CTNNA3: variants seen among roughly 807,000 people sequenced by gnomAD.
The protein encoded by CTNNA3 is catenin alpha-3.
A neutral mutation model predicts 95.7 loss-of-function variants in CTNNA3; 76 were observed. The ratio of observed to expected loss-of-function variants is 0.79; its 90% CI spans 0.66 to 0.96. The LOEUF (loss-of-function observed/expected upper bound fraction) is 0.96. Among genes scored for constraint, CTNNA3 ranks in the 40% least tolerant of loss-of-function variants. The probability of loss-of-function intolerance (pLI) is 0.00; values close to 1 mark genes in which losing one functional copy is unlikely to be tolerated. For missense variants in CTNNA3, 1,191 were observed against 1,089.8 expected (o/e 1.09, Z -1.31); for synonymous variants, 431 against 374.4 (o/e 1.15, Z -1.74).
At chr10:66,929,938 C>A (rs543433588) in intron 7 of CTNNA3, among the ~76,000 whole-genome samples, 4 of 152,216 alleles carry the variant, frequency 2.6e-5, no homozygotes, top group Non-Finnish European at 5.9e-5. Flanking sequence ...GGAACTGCAA[C>A]ATTGAGGCTG....
chr10:66,805,967 A>G (rs1007273264), intron 7 of CTNNA3, among the ~76,000 whole-genome samples: 1 of 152,054 alleles, frequency 6.6e-6, no homozygotes, highest in Non-Finnish European at 1.5e-5. Context: ...TCATTTTCTA[A>G]TTTGAATGGA....
chr10:67,316,015 G>T (rs1422026441), intron 5 of CTNNA3, among the ~76,000 whole-genome samples: 1 of 152,072 alleles, frequency 6.6e-6, no homozygotes, highest in East Asian at 1.9e-4. Context: ...CAAACTCTTA[G>T]ACTGAGTTTA....
At chr10:66,126,982 A>G (rs900577812) in intron 13 of CTNNA3, among the ~76,000 whole-genome samples, 1 of 151,860 alleles carries the variant, frequency 6.6e-6, no homozygotes, top group Non-Finnish European at 1.5e-5. Context: ...GAAAAGGGGG[A>G]AAATGGCCGG....
At chr10:66,923,445 A>T (rs548952981) in intron 7 of CTNNA3, among the ~76,000 whole-genome samples, 1 of 152,228 alleles carries the variant, frequency 6.6e-6, no homozygotes, top group Admixed American at 6.5e-5. Flanking sequence ...TGAGGGGAAA[A>T]CTCAGAGCCT....
chr10:67,391,068 G>A (rs1171314067), intron 5 of CTNNA3, among the ~76,000 whole-genome samples: 1 of 150,508 alleles, frequency 6.6e-6, no homozygotes, highest in Admixed American at 6.6e-5. Flanking sequence ...CAATTAGGCA[G>A]GAGAAGGAAA....
chr10:67,087,906 T>A (rs1426718194), intron 7 of CTNNA3, among the ~76,000 whole-genome samples: 1 of 152,086 alleles, frequency 6.6e-6, no homozygotes, highest in South Asian at 2.1e-4. Flanking sequence ...TAAGGAATCA[T>A]GTGAGACAAT....
At chr10:66,691,957 T>C (rs979130570) in intron 9 of CTNNA3, among the ~76,000 whole-genome samples, 2 of 152,034 alleles carry the variant, frequency 1.3e-5, no homozygotes, top group South Asian at 4.1e-4. Flanking sequence ...CAAAAACCCA[T>C]CTGTACATCG....
intron 7 of CTNNA3, among the ~76,000 whole-genome samples, chr10:66,847,061 CA>C (rs747736665): frequency 2.0e-5 from 3 of 152,188 alleles, no homozygotes; most frequent in Admixed American, 1.3e-4. Flanking sequence ...CCTACATCCA[CA>C]AGGGAGCCAG....
intron 5 of CTNNA3, among the ~76,000 whole-genome samples, chr10:67,436,002 G>C (rs1589287656): frequency 6.6e-6 from 1 of 152,094 alleles, no homozygotes; most frequent in South Asian, 2.1e-4. Flanking sequence ...CCAAAAAAGA[G>C]CCTGCATAGC....
At chr10:66,759,238 A>G (rs1406926873) in intron 9 of CTNNA3, among the ~76,000 whole-genome samples, 4 of 152,090 alleles carry the variant, frequency 2.6e-5, no homozygotes, top group Non-Finnish European at 5.9e-5. Context: ...TTCCTGAACG[A>G]TGATGTCCAC....
intron 11 of CTNNA3, among the ~76,000 whole-genome samples, chr10:66,383,291 T>C (rs916777131): frequency 3.3e-5 from 5 of 152,154 alleles, no homozygotes; most frequent in African/African-American, 9.7e-5. Flanking sequence ...AAGAACTTCA[T>C]GACACATGCA....
chr10:66,180,166 T>C (rs2085965301), intron 13 of CTNNA3, among the ~76,000 whole-genome samples: 1 of 152,150 alleles, frequency 6.6e-6, no homozygotes, highest in Non-Finnish European at 1.5e-5. Context: ...CACAGATACA[T>C]AAACACACTT....
intron 9 of CTNNA3, among the ~76,000 whole-genome samples, chr10:66,649,598 C>G (rs986151317): frequency 6.6e-6 from 1 of 152,150 alleles, no homozygotes; most frequent in Non-Finnish European, 1.5e-5. Context: ...CACCTATGGC[C>G]CCAGACTCCA....
intron 5 of CTNNA3, among the ~76,000 whole-genome samples, chr10:67,236,656 TATA>T (rs1387252807): frequency 6.6e-6 from 1 of 150,522 alleles, no homozygotes; most frequent in African/African-American, 2.4e-5. Context: ...AACCTTAAAG[TATA>T]ATAATAATAA....
chr10:66,901,146 C>A (rs1017993885), intron 7 of CTNNA3, among the ~76,000 whole-genome samples: 1 of 152,134 alleles, frequency 6.6e-6, no homozygotes, highest in Non-Finnish European at 1.5e-5. Context: ...GGGTTACCCA[C>A]AAAAGGAAGC....
chr10:66,522,133 C>G (rs1014364298), intron 10 of CTNNA3, among the ~76,000 whole-genome samples: 1 of 152,014 alleles, frequency 6.6e-6, no homozygotes, highest in South Asian at 2.1e-4. Flanking sequence ...GGATGGGCTG[C>G]TTCTGTGAGC....
intron 5 of CTNNA3, among the ~76,000 whole-genome samples, chr10:67,374,682 A>G (rs1843624142): frequency 6.6e-6 from 1 of 152,170 alleles, no homozygotes; most frequent in Non-Finnish European, 1.5e-5. Flanking sequence ...CAGGTAAATA[A>G]TGTCTAGTGA....
At chr10:65,978,188 T>G (rs2078244581) in intron 16 of CTNNA3, among the ~76,000 whole-genome samples, 1 of 152,152 alleles carries the variant, frequency 6.6e-6, no homozygotes, top group South Asian at 2.1e-4. Context: ...TGCAGATTCC[T>G]CCTTTCCTTA....
intron 9 of CTNNA3, among the ~76,000 whole-genome samples, chr10:66,648,685 G>C (rs1845790421): frequency 1.2e-5 from 1 of 83,102 alleles, no homozygotes; most frequent in Admixed American, 1.2e-4. Context: ...ATGATTCCCA[G>C]ACTTTTGTTT....
Sources: gnomAD v4.1 joint callset for allele counts (sites outside exome capture counted in the v4.1 genomes callset) on GRCh38, gnomAD v4.1.1 for gene constraint, MANE v1.5 for transcripts, NCBI Gene and HGNC (gene_info 2026-07-23, HGNC 2026-07-21) for gene names.